Variants in FBXL4 observed in about 807,000 individuals in gnomAD.
FBXL4 encodes F-box and leucine rich repeat protein 4.
A neutral mutation model predicts 58.9 loss-of-function variants in FBXL4; 40 were observed. The ratio of observed to expected loss-of-function variants is 0.68; its 90% CI spans 0.53 to 0.88. The LOEUF (loss-of-function observed/expected upper bound fraction) is 0.88. FBXL4 is among the 40% of genes least tolerant of loss of function. The probability of loss-of-function intolerance (pLI) is 0.00; values close to 1 mark genes in which losing one functional copy is unlikely to be tolerated. For synonymous variants in FBXL4, 263 were observed against 265.5 expected (o/e 0.99, Z 0.09); for missense variants, 676 against 734.4 (o/e 0.92, Z 0.92).
At chr6:98,884,403 C>CT (rs1207948010) in intron 7 of FBXL4, among the ~76,000 whole-genome samples, 3 of 152,034 alleles carry the variant, frequency 2.0e-5, no homozygotes, top group Admixed American at 6.5e-5. Flanking sequence ...TACCCTCAAT[C>CT]TTTTTTTAAA....
intron 7 of FBXL4, chr6:98,897,518 C>G (rs143204316): frequency 4.3e-4 from 94 of 216,692 alleles, no homozygotes; most frequent in African/African-American, 2.1e-3. Context: ...CCTGTTGAAG[C>G]CTAGCTAAAT....
chr6:98,898,416 G>A (rs1181669149), intron 7 of FBXL4: 6 of 985,090 alleles, frequency 6.1e-6, no homozygotes, highest in Admixed American at 6.2e-5. Flanking sequence ...ACCATGCACA[G>A]GCTCATGGTG....
chr6:98,885,295 T>A (rs952422043), intron 7 of FBXL4, among the ~76,000 whole-genome samples: 1 of 152,030 alleles, frequency 6.6e-6, no homozygotes. Context: ...AGAGGTGGGG[T>A]TTCACCATGT....
intron 5 of FBXL4, among the ~76,000 whole-genome samples, chr6:98,910,103 C>T (rs1771973283): frequency 6.6e-6 from 1 of 152,140 alleles, no homozygotes; most frequent in Non-Finnish European, 1.5e-5. Flanking sequence ...AAATTTGAGT[C>T]TATAAAGTTT....
rs374603781 is a variant in FBXL4 at position 98,890,441 on chromosome 6, A to C, written c.1317+8827T>G. ...AGAGTAAGGTGGTGAAATTTTATAA[A>C]AGTATATTCACTAAATGAAAATTCA... On this transcript the variant is annotated intron_variant, in intron 7 of 9. Transcript: ENST00000369244. Among the ~76,000 whole-genome samples the C allele has an allele frequency of 1.2e-4, 18 of 152,346 alleles. No homozygotes were observed. The East Asian group carries it at 2.3e-3, about 20-fold the overall frequency.
At chr6:98,895,919 T>C (rs1410247066) in intron 7 of FBXL4, among the ~76,000 whole-genome samples, 1 of 152,176 alleles carries the variant, frequency 6.6e-6, no homozygotes, top group Non-Finnish European at 1.5e-5. Context: ...GTGAAGTTAA[T>C]ATGCTATAAT....
chr6:98,917,970 T>C (rs1007908125), intron 4 of FBXL4, among the ~76,000 whole-genome samples: 1 of 152,182 alleles, frequency 6.6e-6, no homozygotes, highest in African/African-American at 2.4e-5. Context: ...GTTTAAAAAC[T>C]GGAACATGTA....
intron 2 of FBXL4, among the ~76,000 whole-genome samples, chr6:98,928,869 G>A (rs929024012): frequency 4.6e-5 from 7 of 152,214 alleles, no homozygotes; most frequent in South Asian, 2.1e-4. Flanking sequence ...CGTATTTTAC[G>A]TTAAGTCTCG....
At position 98,875,524 on chromosome 6, in the gene FBXL4, C is replaced by G. The variant is rs1350554454; in HGVS notation, c.1593G>C (p.Gln531His). ...GAAAGAGTTTTTGCAAGTTTGGGAGCTGGTGTGCCAGTCTGGTGAAGCACC... is the reference window on the plus strand; with the variant it reads ...GAAAGAGTTTTTGCAAGTTTGGGAGGTGGTGTGCCAGTCTGGTGAAGCACC... ...STGCFTRLAH[Q>H]LPNLQKLFLT... Residue 531 changes from glutamine (Q) to histidine (H), a missense_variant, in exon 9 of 10, where the codon CAG (glutamine) becomes CAC (histidine). Transcript: ENST00000369244. 7 of 1,614,032 alleles carry G rather than the reference C, an allele frequency of 4.3e-6. No homozygotes were observed. The Admixed American group carries it at 1.2e-4, about 27-fold the overall frequency.
At chr6:98,946,951 G>A (rs551062101) in intron 1 of FBXL4, among the ~76,000 whole-genome samples, 20 of 152,258 alleles carry the variant, frequency 1.3e-4, no homozygotes, top group Non-Finnish European at 2.5e-4. Flanking sequence ...ACCTATAGCT[G>A]AACTTAAGAA....
rs1770542695 is a variant in FBXL4 at position 98,873,276 on chromosome 6, A to T, written c.*1002T>A. 6.8e-6 allele frequency: 1 copy of T among 147,632 alleles called. No homozygotes were observed. The highest frequency in any genetic ancestry group is 2.1e-4 in the South Asian group (1 of 4,802). The allele number at this position is 147,632 out of a possible 1,614,324, so 9.1% of individuals were successfully genotyped here. ...TACATATAATATAAATGTAATATAT[A>T]ATTATATAATATATAATATATACAT... is the stretch of plus-strand genomic sequence containing the variant. On this transcript the variant is annotated 3_prime_UTR_variant, in exon 10 of 10. Coordinates refer to ENST00000369244, the MANE Select transcript of FBXL4 (RefSeq NM_001278716.2).
chr6:98,891,448 T>C (rs1309047581), intron 7 of FBXL4, among the ~76,000 whole-genome samples: 3 of 152,214 alleles, frequency 2.0e-5, no homozygotes, highest in Non-Finnish European at 4.4e-5. Flanking sequence ...CACCTTTGCC[T>C]TGCCCTGCAG....
At chr6:98,931,013 T>A (rs1311732199) in intron 2 of FBXL4, among the ~76,000 whole-genome samples, 2 of 152,206 alleles carry the variant, frequency 1.3e-5, no homozygotes. Context: ...TTTAGAAGAC[T>A]ATGGATGTGT....
In FBXL4 at chr6:98,917,342, T is replaced by A; in HGVS notation, c.858+32A>T. The stretch of plus-strand genomic sequence containing the variant: ...AAGATTAAAAATCTATAGTGTTATA[T>A]CCAATACTGCTGCTAAATATTTTTG... On this transcript the variant is annotated intron_variant, in intron 5 of 9. Transcript: ENST00000369244. 2.8e-6 allele frequency: 4 copies of A among 1,450,206 alleles called. No homozygotes were observed. The South Asian group carries it at 3.9e-5, about 14-fold the overall frequency. 89.8% of individuals were successfully genotyped at this position (1,450,206 alleles called of 1,614,324 possible). A position where few individuals can be genotyped will look rare whatever the true frequency, so the allele number is the denominator to read the frequency against.
At chr6:98,895,939 A>G (rs1771394485) in intron 7 of FBXL4, among the ~76,000 whole-genome samples, 1 of 152,174 alleles carries the variant, frequency 6.6e-6, no homozygotes, top group Non-Finnish European at 1.5e-5. Context: ...TACAATCCAT[A>G]TTTTTAATAC....
intron 5 of FBXL4, among the ~76,000 whole-genome samples, chr6:98,911,885 A>T (rs1398413693): frequency 6.6e-6 from 1 of 152,226 alleles, no homozygotes; most frequent in East Asian, 1.9e-4. Context: ...TCCGAGCTAC[A>T]GGAGGAAATT....
chr6:98,947,643 G>GCGCGGGGC lies in FBXL4; in HGVS notation c.-309+155_-309+162dup, dbSNP rs1276840576. Among the ~76,000 whole-genome samples the GCGCGGGGC allele has an allele frequency of 1.4e-4, 21 of 152,208 alleles. No individual in the cohort carries two copies. In the East Asian group the frequency reaches 2.3e-3, roughly 17 times the overall value. On this transcript the variant is annotated intron_variant, in intron 1 of 9. Coordinates refer to ENST00000369244, the MANE Select transcript of FBXL4 (RefSeq NM_001278716.2). Reference sequence around the variant, plus strand: ...GCAAGCGTGAAGCGGAGGCGCGGGGGCGCGGGGCCGCGGGCGGGGAGGGGC... The same window carrying GCGCGGGGC: ...GCAAGCGTGAAGCGGAGGCGCGGGGGCGCGGGGCCGCGGGGCCGCGGGCGGGGAGGGGC...
intron 7 of FBXL4, among the ~76,000 whole-genome samples, chr6:98,884,659 T>A (rs1770971363): frequency 6.6e-6 from 1 of 152,170 alleles, no homozygotes; most frequent in African/African-American, 2.4e-5. Context: ...TACATCACAA[T>A]CTGTCTAAAA....
At chr6:98,924,287 T>C (rs377669152) in intron 4 of FBXL4, among the ~76,000 whole-genome samples, 5 of 152,198 alleles carry the variant, frequency 3.3e-5, no homozygotes, top group African/African-American at 9.7e-5. Flanking sequence ...CCATGCACAG[T>C]GGCTCCCATC....
Sources: allele counts gnomAD v4.1 joint callset (sites outside exome capture counted in the v4.1 genomes callset), GRCh38; gene constraint gnomAD v4.1.1; transcripts MANE v1.5; gene names NCBI Gene and HGNC (gene_info 2026-07-23, HGNC 2026-07-21).